CATSPERD: variants seen among roughly 807,000 people sequenced by gnomAD.
The protein encoded by CATSPERD is catsper channel auxiliary subunit delta, also known as cation channel sperm-associated auxiliary subunit delta.
In CATSPERD, 86 loss-of-function variants were observed where a neutral mutation model predicts 98.1. The ratio of observed to expected loss-of-function variants is 0.88; its 90% confidence interval spans 0.74 to 1.05. The LOEUF (loss-of-function observed/expected upper bound fraction) is 1.05, where lower values mean the gene tolerates loss of function less well. CATSPERD is among the 50% of genes least tolerant of loss of function. The probability of loss-of-function intolerance (pLI) is 0.00; values close to 1 mark genes in which losing one functional copy is unlikely to be tolerated. For synonymous variants in CATSPERD, 394 were observed against 390.2 expected, an observed-to-expected ratio of 1.01 and a Z score of -0.12; for missense variants, 995 against 1,005.7, an observed-to-expected ratio of 0.99 and a Z score of 0.14.
intron 2 of CATSPERD, 101 bp downstream of exon 2, chr19:5,724,963 T>TAAA: frequency 9.9e-7 from 1 of 1,005,086 alleles, no homozygotes; most frequent in East Asian, 2.4e-5. Flanking sequence ...TTGTCAAGCA[T>TAAA]TTAAGATCAT....
At chr19:5,757,214 C>T (rs1194123772) in intron 13 of CATSPERD, among the ~76,000 whole-genome samples, 1 of 151,940 alleles carries the variant, frequency 6.6e-6, no homozygotes, top group Non-Finnish European at 1.5e-5. Flanking sequence ...TGCAGGACTG[C>T]ACTCCAGCCT....
intron 7 of CATSPERD, among the ~76,000 whole-genome samples, chr19:5,742,148 G>A (rs1034703491): frequency 1.2e-4 from 13 of 106,218 alleles, no homozygotes; most frequent in African/African-American, 3.3e-4. Flanking sequence ...GCGTGTGTAC[G>A]TGTGTGAACG....
intron 16 of CATSPERD, among the ~76,000 whole-genome samples, chr19:5,764,417 G>A (rs1172667467): frequency 2.6e-5 from 4 of 151,686 alleles, no homozygotes; most frequent in South Asian, 2.1e-4. Flanking sequence ...CCGGGTTCAC[G>A]CCATTCTTCT....
Position 5,757,854 on chromosome 19 carries a change from C to A in CATSPERD, c.1290C>A (p.Ser430Arg). The A allele has an allele frequency of 6.2e-7, 1 of 1,612,696 alleles. No individual in the cohort carries two copies. The highest frequency in any genetic ancestry group is 8.5e-7 in the Non-Finnish European group (1 of 1,179,400). The part of the protein sequence containing the change: ...GTSLIPLVMV[S>R]NPHSLGFQAT... ...TCCCCCACTCCCAGGTGATGGTGAG[C>A]AACCCCCACTCCCTGGGGTTCCAGG... Residue 430 changes from serine (S) to arginine (R), a missense_variant, in exon 14 of 22, where the codon AGC (serine) becomes AGA (arginine). Physicochemically the swap from Ser to Arg is moderately radical, Grantham distance 110. This residue lies in a region of CATSPERD where 762 missense variants were observed against 773.7 expected (regional missense o/e 0.98). Coordinates refer to ENST00000381624, the MANE Select transcript of CATSPERD (RefSeq NM_152784.4).
At chr19:5,748,900 T>C (rs191248350) in intron 10 of CATSPERD, among the ~76,000 whole-genome samples, 8 of 151,594 alleles carry the variant, frequency 5.3e-5, no homozygotes, top group South Asian at 2.1e-4. Context: ...GGCTCATTTT[T>C]GTATTTTTAG....
At chr19:5,731,725 G>A (rs1242386607) in intron 4 of CATSPERD, among the ~76,000 whole-genome samples, 3 of 149,610 alleles carry the variant, frequency 2.0e-5, no homozygotes, top group East Asian at 2.0e-4. Flanking sequence ...ACAGGCGCCC[G>A]CCACCGCGCC....
At chr19:5,749,216 G>A in intron 11 of CATSPERD, 33 bp downstream of exon 11, 2 of 1,529,364 alleles carry the variant, frequency 1.3e-6, no homozygotes, top group Non-Finnish European at 1.8e-6. Context: ...TATGGGCTGG[G>A]CACGGTGGTT....
rs189886340 is a variant in CATSPERD, at chr19:5,729,147, G to A, written c.204-725G>A. Among the ~76,000 whole-genome samples the A allele has an allele frequency of 1.4e-3, 213 of 151,044 alleles. 1 individual carries two copies. Among genetic ancestry groups the A allele is most frequent in the South Asian group, 0.01 (48 of 4,760 alleles). On this transcript the variant is annotated intron_variant, in intron 3 of 21. Coordinates refer to ENST00000381624, the MANE Select transcript of CATSPERD (RefSeq NM_152784.4). ...TTTCACTCTTGTCGCCCAGGCTGGC[G>A]TGCAGTGGCATGATCTTGGCTCACT...
At chr19:5,751,916 T>A in intron 12 of CATSPERD, 93 bp downstream of exon 12, 1 of 1,196,638 alleles carries the variant, frequency 8.4e-7, no homozygotes, top group Non-Finnish European at 1.1e-6. Context: ...TAGCCCCAGT[T>A]GCTCAGGAGG....
At chr19:5,775,827 C>T (rs146268405) in intron 20 of CATSPERD, among the ~76,000 whole-genome samples, 7,287 of 152,108 alleles carry the variant, frequency 0.048, 613 homozygotes, top group African/African-American at 0.17. Context: ...TCCTTCTGGG[C>T]GGCAGACGCA....
intron 7 of CATSPERD, among the ~76,000 whole-genome samples, chr19:5,741,029 G>A (rs1306660366): frequency 6.6e-6 from 1 of 151,936 alleles, no homozygotes; most frequent in East Asian, 1.9e-4. Context: ...AGGTTGCAGT[G>A]AGCTGAGACA....
chr19:5,726,813 T>A (rs1189629239), intron 2 of CATSPERD, among the ~76,000 whole-genome samples: 1 of 152,310 alleles, frequency 6.6e-6, no homozygotes, highest in East Asian at 1.9e-4. Context: ...ATGATCATAG[T>A]ACGAGGTCAA....
intron 4 of CATSPERD, among the ~76,000 whole-genome samples, chr19:5,731,313 C>G (rs1177775022): frequency 6.8e-6 from 1 of 148,104 alleles, no homozygotes; most frequent in East Asian, 2.0e-4. Flanking sequence ...AACTCCAACT[C>G]TATATGAAAT....
chr19:5,763,995 T>C (rs1400349136), intron 16 of CATSPERD, among the ~76,000 whole-genome samples: 1 of 150,990 alleles, frequency 6.6e-6, no homozygotes, highest in Non-Finnish European at 1.5e-5. Context: ...ATTACAAGCA[T>C]GTGCCACCAT....
chr19:5,735,850 G>A (rs565606783), intron 5 of CATSPERD, among the ~76,000 whole-genome samples: 4 of 148,134 alleles, frequency 2.7e-5, no homozygotes, highest in Non-Finnish European at 5.9e-5. Flanking sequence ...GCGCGATCTC[G>A]GCTCACTGCA....
chr19:5,752,392 T>G (rs755610094), intron 12 of CATSPERD, among the ~76,000 whole-genome samples: 1 of 152,112 alleles, frequency 6.6e-6, no homozygotes, highest in Non-Finnish European at 1.5e-5. Context: ...GGGGATCACT[T>G]GAGCCCAGGA....
rs142771631 is a variant in CATSPERD, at chr19:5,770,996, G to A, written c.1687G>A (p.Val563Met). The change falls in exon 19 of 22, where the codon GTG becomes ATG. Residue 563 changes from valine to methionine, a missense_variant. Physicochemically the swap from Val to Met is conservative, Grantham distance 21. Coordinates refer to ENST00000381624, the MANE Select transcript of CATSPERD (RefSeq NM_152784.4). ...GCAGCAGTCCTCCGAGGACCTGCAC[G>A]TGTTTTACTCCTACCAGCAGCTGGG... The part of the protein sequence containing the change: ...QGQQSSEDLH[V>M]FYSYQQLGCP... The A allele has an allele frequency of 7.7e-5, 124 of 1,613,986 alleles. 2 individuals carry two copies. In the East Asian group the frequency reaches 1.6e-3, roughly 21 times the overall value.
intron 18 of CATSPERD, among the ~76,000 whole-genome samples, chr19:5,770,474 G>C (rs1202479687): frequency 1.3e-5 from 2 of 150,466 alleles, no homozygotes; most frequent in Non-Finnish European, 3.0e-5. Context: ...CTTTTGCACT[G>C]ATCTAATTTA....
chr19:5,751,197 C>CAAAAAAAAAAA (rs556079596), intron 11 of CATSPERD, among the ~76,000 whole-genome samples: 13 of 46,600 alleles, frequency 2.8e-4, no homozygotes, highest in Admixed American at 4.0e-4. Context: ...GATTCCGTCT[C>CAAAAAAAAAAA]AAAAAAAAAA....
Sources: allele counts gnomAD v4.1 joint callset (sites outside exome capture counted in the v4.1 genomes callset), GRCh38; gene constraint gnomAD v4.1.1; regional missense constraint gnomAD v4.1.1; transcripts MANE v1.5; gene names NCBI Gene and HGNC (gene_info 2026-07-23, HGNC 2026-07-21).